The following NRXN3 variants were observed in gnomAD, a reference collection of about 807,000 sequenced individuals.
The protein encoded by NRXN3 is neurexin III.
NRXN3 carries 32 observed loss-of-function variants against 137.6 expected under a neutral mutation model. That is an observed-to-expected ratio of 0.23 (90% CI 0.18 to 0.31). The LOEUF (loss-of-function observed/expected upper bound fraction) is 0.31. NRXN3 is among the 10% of genes least tolerant of loss of function. NRXN3 has a pLI of 1.00. For missense variants in NRXN3, 1,574 were observed against 2,062.5 expected, an observed-to-expected ratio of 0.76 and a Z score of 4.59; for synonymous variants, 798 against 784.5, an observed-to-expected ratio of 1.02 and a Z score of -0.29.
chr14:79,099,385 C>G (rs1238768434), intron 15 of NRXN3, among the ~76,000 whole-genome samples: 1 of 152,020 alleles, frequency 6.6e-6, no homozygotes, highest in Non-Finnish European at 1.5e-5. Flanking sequence ...GGTGGCCATA[C>G]AATTTATAAC....
At chr14:79,059,512 C>T (rs370767005) in intron 15 of NRXN3, among the ~76,000 whole-genome samples, 17 of 152,146 alleles carry the variant, frequency 1.1e-4, no homozygotes, top group Admixed American at 2.0e-4. Flanking sequence ...CAGCCTTGAC[C>T]TCCCAAAGTG....
At chr14:78,375,622 A>T (rs930420876) in intron 4 of NRXN3, among the ~76,000 whole-genome samples, 1 of 152,210 alleles carries the variant, frequency 6.6e-6, no homozygotes, top group Non-Finnish European at 1.5e-5. Flanking sequence ...AAGTATATAT[A>T]TGTATTTTGT....
At chr14:78,974,476 GA>G (rs1238012748) in intron 14 of NRXN3, among the ~76,000 whole-genome samples, 2 of 152,188 alleles carry the variant, frequency 1.3e-5, no homozygotes, top group African/African-American at 4.8e-5. Flanking sequence ...AGGGAGAAGT[GA>G]GTCATTGATT....
Position 78,943,622 on chromosome 14 carries a change from ATATATATATATATATATAT to A in NRXN3, c.2276-13619_2276-13601del, listed in dbSNP as rs1263503968. ...GCAAGATCACTGTTAAAAAAAAAAA[ATATATATATATATATATAT>A]ATATATATATATATATATATATATA... On this transcript the variant is annotated intron_variant, in intron 10 of 20. Coordinates refer to ENST00000335750, the MANE Select transcript of NRXN3 (RefSeq NM_001330195.2). 1.7e-3 allele frequency among the ~76,000 whole-genome samples: 41 copies of A among 24,274 alleles called. 5 individuals are homozygous for A. The highest frequency in any genetic ancestry group is 3.5e-3 in the East Asian group (4 of 1,140). The allele number at this position is 24,274 out of a possible 152,430, so 15.9% of individuals were successfully genotyped here.
chr14:79,162,119 T>G (rs1466218825), intron 15 of NRXN3, among the ~76,000 whole-genome samples: 3 of 140,120 alleles, frequency 2.1e-5, no homozygotes, highest in African/African-American at 5.1e-5. Context: ...TTTTTTTTTT[T>G]TGTGGTTAGC....
In NRXN3 at chr14:79,566,457, C is replaced by T. The variant is rs570391407; in HGVS notation, c.3445-97321C>T. 2.6e-5 allele frequency among the ~76,000 whole-genome samples: 4 copies of T among 152,154 alleles called. No individual in the cohort carries two copies. The South Asian group carries it at 6.2e-4, about 24-fold the overall frequency. On this transcript the variant is annotated intron_variant, in intron 16 of 20. Transcript: ENST00000335750. ...TCTTTTCCAAGCCCTGCAGTTTACT[C>T]TAGAATTTCTACTGACAAAGCCAAA...
intron 16 of NRXN3, among the ~76,000 whole-genome samples, chr14:79,584,438 T>C (rs2097748640): frequency 6.6e-6 from 1 of 152,144 alleles, no homozygotes; most frequent in African/African-American, 2.4e-5. Flanking sequence ...GAGCTTTTGT[T>C]CCTTAGCTGG....
At chr14:79,424,067 A>G (rs2095619904) in intron 15 of NRXN3, among the ~76,000 whole-genome samples, 2 of 152,196 alleles carry the variant, frequency 1.3e-5, no homozygotes, top group Admixed American at 1.3e-4. Context: ...ATTAGAATCA[A>G]AGTGATTGTA....
intron 16 of NRXN3, among the ~76,000 whole-genome samples, chr14:79,490,582 T>C (rs75167229): frequency 0.013 from 2,025 of 151,526 alleles, 32 homozygotes; most frequent in South Asian, 0.084. Flanking sequence ...ACAAATATCA[T>C]ACGTTCTTAC....
intron 15 of NRXN3, among the ~76,000 whole-genome samples, chr14:79,150,869 G>A (rs1344438897): frequency 6.6e-6 from 1 of 152,086 alleles, no homozygotes; most frequent in African/African-American, 2.4e-5. Flanking sequence ...CTGCATGGCA[G>A]CCATTATTGG....
At chr14:78,330,224 T>C (rs1205060817) in intron 4 of NRXN3, among the ~76,000 whole-genome samples, 1 of 152,182 alleles carries the variant, frequency 6.6e-6, no homozygotes, top group African/African-American at 2.4e-5. Context: ...GCTTGAGGAA[T>C]GGGTAAGTGT....
intron 16 of NRXN3, among the ~76,000 whole-genome samples, chr14:79,523,733 T>C (rs1039419280): frequency 6.6e-6 from 1 of 152,206 alleles, no homozygotes; most frequent in African/African-American, 2.4e-5. Flanking sequence ...AAGGCGGAGT[T>C]GAGATTTAGG....
intron 10 of NRXN3, among the ~76,000 whole-genome samples, chr14:78,887,869 C>T (rs1057180673): frequency 3.9e-5 from 6 of 152,026 alleles, no homozygotes; most frequent in African/African-American, 1.4e-4. Flanking sequence ...CAGCATCTCA[C>T]TGGGGTGGCC....
At chr14:78,479,531 C>A (rs1269715999) in intron 4 of NRXN3, among the ~76,000 whole-genome samples, 1 of 152,154 alleles carries the variant, frequency 6.6e-6, no homozygotes, top group Non-Finnish European at 1.5e-5. Flanking sequence ...ACAAAGTCAG[C>A]ATTTCGTAAG....
At chr14:78,966,441 C>A in intron 12 of NRXN3, 35 bp downstream of exon 12, 1 of 1,577,892 alleles carries the variant, frequency 6.3e-7, no homozygotes, top group Non-Finnish European at 8.6e-7. Flanking sequence ...TGTTGGACAC[C>A]TTTAATCTAC....
At chr14:78,789,925 GT>G (rs980584343) in intron 8 of NRXN3, among the ~76,000 whole-genome samples, 11 of 152,024 alleles carry the variant, frequency 7.2e-5, no homozygotes, top group African/African-American at 2.7e-4. Context: ...ACCTGTTTGA[GT>G]CTACAACACC....
At chr14:78,588,885 G>A (rs1160643982) in intron 4 of NRXN3, among the ~76,000 whole-genome samples, 1 of 152,152 alleles carries the variant, frequency 6.6e-6, no homozygotes, top group African/African-American at 2.4e-5. Flanking sequence ...ATAAAATAAA[G>A]CCATAAAGAG....
intron 4 of NRXN3, among the ~76,000 whole-genome samples, chr14:78,568,719 T>C (rs2092694574): frequency 6.6e-6 from 1 of 152,212 alleles, no homozygotes; most frequent in African/African-American, 2.4e-5. Context: ...GACTGCATAT[T>C]GAAATGAATA....
chr14:78,975,913 A>C (rs2153030748), intron 14 of NRXN3, among the ~76,000 whole-genome samples: 1 of 152,298 alleles, frequency 6.6e-6, no homozygotes, highest in African/African-American at 2.4e-5. Flanking sequence ...TCTCTAGGTC[A>C]ACACAGGAGA....
Sources: gnomAD v4.1 joint callset for allele counts (sites outside exome capture counted in the v4.1 genomes callset) on GRCh38, gnomAD v4.1.1 for gene constraint, MANE v1.5 for transcripts, NCBI Gene and HGNC (gene_info 2026-07-23, HGNC 2026-07-21) for gene names.